The following SHANK2 variants were observed in gnomAD, a reference collection of about 807,000 sequenced individuals.
SHANK2 encodes the protein SH3 and multiple ankyrin repeat domains 2, also known as SH3 and multiple ankyrin repeat domains protein 2.
In SHANK2, 43 loss-of-function variants were observed where a neutral mutation model predicts 133.7. That is an observed-to-expected ratio of 0.32 (90% CI 0.25 to 0.41). The LOEUF is 0.41. SHANK2 is among the 10% of genes least tolerant of loss of function. The pLI is 1.00. For synonymous variants in SHANK2, 1,017 were observed against 952.8 expected, an observed-to-expected ratio of 1.07 and a Z score of -1.24; for missense variants, 1,994 against 2,235.8, an observed-to-expected ratio of 0.89 and a Z score of 2.18.
At chr11:70,737,443 T>C (rs1946428243) in intron 14 of SHANK2, among the ~76,000 whole-genome samples, 1 of 152,170 alleles carries the variant, frequency 6.6e-6, no homozygotes, top group Admixed American at 6.5e-5. Context: ...CCTGGCCTTC[T>C]TTGAGATCTG....
chr11:70,858,304 G>T (rs1486221882), intron 11 of SHANK2, among the ~76,000 whole-genome samples: 2 of 152,230 alleles, frequency 1.3e-5, no homozygotes, highest in South Asian at 4.1e-4. Context: ...TGTGCGGCCA[G>T]GTTGCTCTTC....
chr11:71,058,543 A>G (rs1348483445), intron 9 of SHANK2, among the ~76,000 whole-genome samples: 1 of 152,254 alleles, frequency 6.6e-6, no homozygotes, highest in African/African-American at 2.4e-5. Flanking sequence ...TTGGAAGTGC[A>G]TTTAAATGAT....
intron 14 of SHANK2, among the ~76,000 whole-genome samples, chr11:70,723,295 G>GTCTCTCTCTCTC (rs1451304700): frequency 1.2e-5 from 1 of 81,578 alleles, no homozygotes; most frequent in African/African-American, 6.6e-5. Context: ...TTGCTGGAGG[G>GTCTCTCTCTCTC]TCTGTCTCTC....
intron 10 of SHANK2, among the ~76,000 whole-genome samples, chr11:70,919,360 A>G (rs1950315346): frequency 6.7e-6 from 1 of 148,804 alleles, no homozygotes; most frequent in African/African-American, 2.4e-5. Flanking sequence ...CAGATCTCAG[A>G]ACTTACTACT....
At chr11:70,771,028 G>A (rs927800929) in intron 14 of SHANK2, among the ~76,000 whole-genome samples, 7 of 143,236 alleles carry the variant, frequency 4.9e-5, no homozygotes, top group Admixed American at 2.9e-4. Context: ...AGGCTCAAGC[G>A]ATACACCCAC....
At chr11:71,249,259 G>A (rs1000354417) in intron 1 of SHANK2, among the ~76,000 whole-genome samples, 3 of 152,120 alleles carry the variant, frequency 2.0e-5, no homozygotes, top group Non-Finnish European at 4.4e-5. Flanking sequence ...TGTCTGGAGC[G>A]ATCCTCCCTT....
chr11:70,780,986 A>T (rs1366928384), intron 14 of SHANK2, among the ~76,000 whole-genome samples: 1 of 152,104 alleles, frequency 6.6e-6, no homozygotes, highest in Non-Finnish European at 1.5e-5. Flanking sequence ...ACTAAGTCAG[A>T]GAGATTTTGA....
intron 25 of SHANK2, among the ~76,000 whole-genome samples, chr11:70,481,102 A>T (rs2058726810): frequency 6.6e-6 from 1 of 152,216 alleles, no homozygotes; most frequent in African/African-American, 2.4e-5. Flanking sequence ...CTCCTGGAAT[A>T]ATCAGGCCAG....
intron 13 of SHANK2, among the ~76,000 whole-genome samples, chr11:70,800,743 G>T (rs1467128746): frequency 6.6e-6 from 1 of 152,208 alleles, no homozygotes; most frequent in East Asian, 1.9e-4. Context: ...AGCTGGCCGG[G>T]ATGTGCCTCA....
chr11:70,527,859 GAGGCAGCC>G (rs1554972433), intron 17 of SHANK2, among the ~76,000 whole-genome samples: 1 of 152,254 alleles, frequency 6.6e-6, no homozygotes, highest in Non-Finnish European at 1.5e-5. Context: ...GGAGGCTGCG[GAGGCAGCC>G]AGGCAGCCAG....
At chr11:71,149,139 GA>G (rs1421698727) in intron 2 of SHANK2, among the ~76,000 whole-genome samples, 6 of 152,230 alleles carry the variant, frequency 3.9e-5, no homozygotes, top group African/African-American at 1.4e-4. Flanking sequence ...GCAGGGGGCA[GA>G]AGAGGCCACC....
intron 15 of SHANK2, among the ~76,000 whole-genome samples, chr11:70,686,716 C>T (rs1227556676): frequency 6.6e-6 from 1 of 152,200 alleles, no homozygotes; most frequent in Non-Finnish European, 1.5e-5. Flanking sequence ...TCAGGGAGGT[C>T]TGATTGCTTC....
At chr11:70,624,428 G>A (rs1349923622) in intron 17 of SHANK2, among the ~76,000 whole-genome samples, 1 of 151,818 alleles carries the variant, frequency 6.6e-6, no homozygotes, top group African/African-American at 2.4e-5. Context: ...CACAGAGAGA[G>A]GAACAACCAT....
intron 17 of SHANK2, among the ~76,000 whole-genome samples, chr11:70,611,978 C>T (rs1443916354): frequency 2.7e-5 from 3 of 112,154 alleles, no homozygotes; most frequent in African/African-American, 3.7e-5. Context: ...GGGCGGGTGG[C>T]GAGGGGCGTG....
chr11:71,197,367 C>T (rs748383351), intron 2 of SHANK2, among the ~76,000 whole-genome samples: 5 of 152,240 alleles, frequency 3.3e-5, no homozygotes, highest in Non-Finnish European at 7.3e-5. Flanking sequence ...CCTCAGCTCA[C>T]AAACCTGCTC....
At chr11:70,502,611 G>A (rs777691430) in intron 18 of SHANK2, among the ~76,000 whole-genome samples, 185 bp downstream of exon 18, 9 of 152,150 alleles carry the variant, frequency 5.9e-5, no homozygotes, top group Non-Finnish European at 1.2e-4. Flanking sequence ...TTCCGGCAGC[G>A]TGTGAGCCCC....
chr11:70,806,961 G>T, intron 13 of SHANK2, 41 bp downstream of exon 13: 1 of 706,780 alleles, frequency 1.4e-6, no homozygotes, highest in South Asian at 1.5e-5. Context: ...GCCCCAGCCT[G>T]ACCTCACTCC....
At chr11:70,766,840 G>A (rs143807554) in intron 14 of SHANK2, among the ~76,000 whole-genome samples, 66 of 152,342 alleles carry the variant, frequency 4.3e-4, no homozygotes, top group South Asian at 1.7e-3. Flanking sequence ...GTAGGCTGCT[G>A]GAAGAGCTCT....
chr11:70,525,589 G>T (rs1220049599), intron 17 of SHANK2, among the ~76,000 whole-genome samples: 2 of 152,116 alleles, frequency 1.3e-5, no homozygotes, highest in Admixed American at 1.3e-4. Context: ...CTTTTGAAAT[G>T]CCAGGGTTGG....
Sources: gnomAD v4.1 joint callset for allele counts (sites outside exome capture counted in the v4.1 genomes callset) on GRCh38, gnomAD v4.1.1 for gene constraint, MANE v1.5 for transcripts, NCBI Gene and HGNC (gene_info 2026-07-23, HGNC 2026-07-21) for gene names.